REEP3: variants seen among roughly 807,000 people sequenced by gnomAD.
The protein encoded by REEP3 is receptor expression-enhancing protein 3.
Under a neutral mutation model 41.3 loss-of-function variants are expected in REEP3, and 20 were observed. The observed-to-expected ratio is 0.48, with a 90% CI of 0.34 to 0.70. The LOEUF is 0.70. Ranked by LOEUF, REEP3 falls within the 30% of genes least tolerant of loss-of-function variation. The pLI is 0.01. For missense variants in REEP3, 271 were observed against 308.8 expected, an observed-to-expected ratio of 0.88 and a Z score of 0.92; for synonymous variants, 104 against 101.8, an observed-to-expected ratio of 1.02 and a Z score of -0.13.
At chr10:63,613,090 C>T (rs1013182733) in intron 6 of REEP3, among the ~76,000 whole-genome samples, 12 of 152,096 alleles carry the variant, frequency 7.9e-5, no homozygotes, top group Non-Finnish European at 1.6e-4. Flanking sequence ...CGGCTCACTG[C>T]AACCTCCGCC....
chr10:63,538,007 G>A (rs931708141), intron 1 of REEP3, among the ~76,000 whole-genome samples: 8 of 120,462 alleles, frequency 6.6e-5, no homozygotes. Flanking sequence ...TTGTTTTCTT[G>A]TCTATTCATT....
At chr10:63,604,281 G>A (rs981364483) in intron 5 of REEP3, among the ~76,000 whole-genome samples, 1 of 152,176 alleles carries the variant, frequency 6.6e-6, no homozygotes, top group African/African-American at 2.4e-5. Context: ...GCTGAGCAAA[G>A]CATAAACATT....
At chr10:63,530,193 AT>A (rs1419349721) in intron 1 of REEP3, among the ~76,000 whole-genome samples, 1 of 152,228 alleles carries the variant, frequency 6.6e-6, no homozygotes, top group Non-Finnish European at 1.5e-5. Flanking sequence ...TCATTTTTAA[AT>A]CCTTATGGAA....
At chr10:63,582,021 T>C (rs182325429) in intron 2 of REEP3, among the ~76,000 whole-genome samples, 7 of 152,314 alleles carry the variant, frequency 4.6e-5, no homozygotes, top group Admixed American at 2.6e-4. Flanking sequence ...GGCTCTTACA[T>C]TCTCTTCGGA....
chr10:63,602,392 T>C (rs982502405), intron 5 of REEP3, among the ~76,000 whole-genome samples: 2 of 152,198 alleles, frequency 1.3e-5, no homozygotes, highest in Non-Finnish European at 2.9e-5. Context: ...TGCTATAAAA[T>C]TTAGCATTTT....
At chr10:63,531,809 T>C (rs1955423236) in intron 1 of REEP3, among the ~76,000 whole-genome samples, 1 of 152,234 alleles carries the variant, frequency 6.6e-6, no homozygotes, top group Non-Finnish European at 1.5e-5. Flanking sequence ...AGAAATTCTA[T>C]AATGATATTT....
At position 63,599,179 on chromosome 10, in the gene REEP3, G is replaced by A; in HGVS notation, c.313G>A (p.Asp105Asn). Residue 105 changes from aspartate (D) to asparagine (N), a missense_variant, in exon 5 of 8, where the codon GAT becomes AAT. Asp to Asn is a conservative substitution (Grantham distance 23, BLOSUM62 1). Transcript: ENST00000373758. ...LLSSKEREID[D>N]YIVQAKERGY... ...TGGCTTTTTCCCCCAGGAGATTGAT[G>A]ATTATATTGTACAAGCAAAGGAACG... The A allele has an allele frequency of 6.4e-7, 1 of 1,567,184 alleles. No individual in the cohort carries two copies. Among genetic ancestry groups the A allele is most frequent in the Non-Finnish European group, 8.7e-7 (1 of 1,154,458 alleles).
chr10:63,603,124 T>C (rs1228670942), intron 5 of REEP3, among the ~76,000 whole-genome samples: 2 of 151,698 alleles, frequency 1.3e-5, no homozygotes, highest in Non-Finnish European at 2.9e-5. Flanking sequence ...CCATCCTGGC[T>C]AACACAGTGA....
intron 1 of REEP3, among the ~76,000 whole-genome samples, chr10:63,549,740 A>T (rs1471287175): frequency 6.6e-6 from 1 of 152,196 alleles, no homozygotes; most frequent in African/African-American, 2.4e-5. Context: ...AGTTAAGTAA[A>T]TGTTTCTCAT....
At chr10:63,578,750 A>G (rs1411077056) in intron 2 of REEP3, among the ~76,000 whole-genome samples, 1 of 152,178 alleles carries the variant, frequency 6.6e-6, no homozygotes, top group Non-Finnish European at 1.5e-5. Flanking sequence ...GCACTCCACC[A>G]TGGGCAAGAG....
intron 2 of REEP3, among the ~76,000 whole-genome samples, chr10:63,584,355 A>G (rs1363694397): frequency 6.6e-6 from 1 of 151,290 alleles, no homozygotes; most frequent in African/African-American, 2.4e-5. Flanking sequence ...ATGGGGGGAG[A>G]AGTACCCCAA....
chr10:63,595,177 A>G (rs899628795), intron 3 of REEP3, among the ~76,000 whole-genome samples: 3 of 152,192 alleles, frequency 2.0e-5, no homozygotes, highest in African/African-American at 7.2e-5. Context: ...ATCACTTCCT[A>G]AATGACTCCA....
intron 2 of REEP3, among the ~76,000 whole-genome samples, chr10:63,583,487 A>G (rs1466290396): frequency 1.3e-5 from 2 of 152,228 alleles, no homozygotes; most frequent in African/African-American, 4.8e-5. Flanking sequence ...TAAGTCAGCC[A>G]TAGCCTTGCC....
intron 2 of REEP3, 82 bp downstream of exon 2, chr10:63,566,492 G>A (rs1448867260): frequency 1.0e-5 from 8 of 772,628 alleles, no homozygotes; most frequent in African/African-American, 1.8e-5. Context: ...TCTTAGAAAC[G>A]GCTGGAGTAG....
chr10:63,523,035 A>T (rs1322607892), intron 1 of REEP3, among the ~76,000 whole-genome samples: 1 of 151,984 alleles, frequency 6.6e-6, no homozygotes, highest in East Asian at 1.9e-4. Flanking sequence ...AAAAAAAAAA[A>T]AGCCTCTGGA....
At chr10:63,583,060 A>G (rs1201918775) in intron 2 of REEP3, among the ~76,000 whole-genome samples, 1 of 152,054 alleles carries the variant, frequency 6.6e-6, no homozygotes, top group Non-Finnish European at 1.5e-5. Flanking sequence ...ATCTCAGCTC[A>G]CTGCAACCTC....
intron 6 of REEP3, among the ~76,000 whole-genome samples, chr10:63,616,607 A>G (rs1956314124): frequency 1.3e-5 from 2 of 152,240 alleles, no homozygotes; most frequent in Admixed American, 1.3e-4. Flanking sequence ...ATGAAATTCC[A>G]ATTCCTAATC....
At chr10:63,567,382 T>C (rs563161455) in intron 2 of REEP3, among the ~76,000 whole-genome samples, 4 of 152,336 alleles carry the variant, frequency 2.6e-5, no homozygotes, top group Admixed American at 2.0e-4. Flanking sequence ...CTGCTGTCTG[T>C]ATGTATTTAC....
chr10:63,556,955 A>G (rs1290444711), intron 1 of REEP3, among the ~76,000 whole-genome samples: 1 of 151,984 alleles, frequency 6.6e-6, no homozygotes, highest in Non-Finnish European at 1.5e-5. Flanking sequence ...TTTTGATCCC[A>G]GGGTCAAGCC....
Sources: gnomAD v4.1 joint callset for allele counts (sites outside exome capture counted in the v4.1 genomes callset) on GRCh38, gnomAD v4.1.1 for gene constraint, MANE v1.5 for transcripts, NCBI Gene and HGNC (gene_info 2026-07-23, HGNC 2026-07-21) for gene names.